Variants in TNNT1 observed in about 807,000 individuals in gnomAD.
TNNT1 encodes troponin T1, slow skeletal type.
A neutral mutation model predicts 50.6 loss-of-function variants in TNNT1; 53 were observed. The ratio of observed to expected loss-of-function variants is 1.05; its 90% confidence interval spans 0.84 to 1.32. TNNT1 has a LOEUF of 1.32. Ranked by LOEUF, TNNT1 falls within the 40% of genes most tolerant of loss-of-function variation. The probability of loss-of-function intolerance (pLI) is 0.00; values close to 1 mark genes in which losing one functional copy is unlikely to be tolerated. For missense variants in TNNT1, 348 were observed against 381.7 expected (o/e 0.91, Z 0.74); for synonymous variants, 142 against 138.0 (o/e 1.03, Z -0.20).
chr19:55,147,212 G>A (rs1489114442), intron 1 of TNNT1, 44 bp from the exon 2 acceptor site: 2 of 1,598,032 alleles, frequency 1.3e-6, no homozygotes, highest in Non-Finnish European at 1.7e-6. Context: ...GGGCCCCAAG[G>A]AGGGGGCGAC....
chr19:55,136,167 G>A (rs894370761), intron 11 of TNNT1, among the ~76,000 whole-genome samples: 2 of 152,080 alleles, frequency 1.3e-5, no homozygotes, highest in Non-Finnish European at 2.9e-5. Flanking sequence ...TAACCTCTCT[G>A]TGCCTCAGGT....
At chr19:55,136,784 C>T (rs1448871122) in intron 11 of TNNT1, among the ~76,000 whole-genome samples, 8 of 152,172 alleles carry the variant, frequency 5.3e-5, no homozygotes, top group Admixed American at 5.2e-4. Flanking sequence ...AGGTAAAAGG[C>T]ACAGCCCATC....
intron 9 of TNNT1, 149 bp downstream of exon 9, chr19:55,140,734 G>T (rs1478971235): frequency 2.4e-6 from 1 of 410,166 alleles, no homozygotes; most frequent in Non-Finnish European, 3.9e-6. Flanking sequence ...CTGAGATCGT[G>T]CCACTGCACT....
At chr19:55,148,507 C>T (rs2147274216) in intron 1 of TNNT1, among the ~76,000 whole-genome samples, 1 of 152,068 alleles carries the variant, frequency 6.6e-6, no homozygotes, top group African/African-American at 2.4e-5. Flanking sequence ...GCCCGTGTTT[C>T]TGAGGCCAGC....
chr19:55,142,475 A>T (rs988626914), intron 6 of TNNT1, among the ~76,000 whole-genome samples: 1 of 152,048 alleles, frequency 6.6e-6, no homozygotes, highest in Non-Finnish European at 1.5e-5. Flanking sequence ...TATATAACAG[A>T]TTAAAAAAAC....
chr19:55,146,517 G>T, intron 4 of TNNT1, 51 bp from the exon 5 acceptor site: 4 of 1,182,260 alleles, frequency 3.4e-6, no homozygotes, highest in Non-Finnish European at 4.4e-6. Context: ...AGGGGGGAGC[G>T]GCCACGCCCG....
At position 55,146,909 on chromosome 19, in the gene TNNT1, G is replaced by C. The variant is rs535872700; in HGVS notation, c.46+99C>G. The C allele has an allele frequency of 6.0e-4, 870 of 1,445,148 alleles. 5 individuals are homozygous for C. In the African/African-American group the frequency reaches 0.012, roughly 19 times the overall value. The allele number at this position is 1,445,148 out of a possible 1,614,324, so 89.5% of individuals were successfully genotyped here. A position where few individuals can be genotyped will look rare whatever the true frequency, so the allele number is the denominator to read the frequency against. ...GGGCGGGCGAGGGCCCGAGGGCTGAGCCGCCCCTTCCCCGCCAAAGTGCCA... is the reference window on the plus strand; with the variant it reads ...GGGCGGGCGAGGGCCCGAGGGCTGACCCGCCCCTTCCCCGCCAAAGTGCCA... On this transcript the variant is annotated intron_variant, in intron 3 of 13. Coordinates refer to ENST00000588981, the MANE Select transcript of TNNT1 (RefSeq NM_003283.6).
intron 1 of TNNT1, among the ~76,000 whole-genome samples, chr19:55,148,369 C>G (rs1199785683): frequency 1.3e-5 from 2 of 151,982 alleles, no homozygotes; most frequent in Non-Finnish European, 2.9e-5. Flanking sequence ...ATAAAGGGCA[C>G]CTTCTGTCCG....
At chr19:55,145,481 T>C (rs2085531876) in intron 6 of TNNT1, 63 bp downstream of exon 6, 3 of 1,539,978 alleles carry the variant, frequency 1.9e-6, no homozygotes, top group Non-Finnish European at 2.7e-6. Flanking sequence ...ACCTTGTCTC[T>C]GGGGGTAGAG....
intron 13 of TNNT1, 61 bp from the exon 14 acceptor site, chr19:55,133,021 C>T (rs1039815612): frequency 6.9e-7 from 1 of 1,453,718 alleles, no homozygotes; most frequent in African/African-American, 1.4e-5. Context: ...AAATGGGCCC[C>T]AGGCCCTCAA....
chr19:55,147,423 ACTCCTGGGTCTGAGGGAGGAGGAG>A, intron 1 of TNNT1: 1 of 315,280 alleles, frequency 3.2e-6, no homozygotes, highest in Non-Finnish European at 5.2e-6. Flanking sequence ...TGGGGTCTGG[ACTCCTGGGTCTGAGGGAGGAGGAG>A]CTGGGGCCTG....
chr19:55,147,017 G>T lies in TNNT1; in HGVS notation c.37C>A (p.Gln13Lys). 6.2e-7 allele frequency: 1 copy of T among 1,611,230 alleles called. No homozygotes were observed. The change falls in exon 3 of 14, where the codon CAG (glutamine) becomes AAG (lysine). Residue 13 changes from glutamine (Q) to lysine (K), a missense_variant. Gln to Lys is a moderately conservative substitution (Grantham distance 53, BLOSUM62 1). This residue lies in a region of TNNT1 where 90 missense variants were observed against 70.8 expected (regional missense o/e 1.27). Coordinates refer to ENST00000588981, the MANE Select transcript of TNNT1 (RefSeq NM_003283.6). ...CCCACTCCCTACTCACCTTCCGGCTGCTCCCTGCGGACGGGTGTGGGGAGA... is the reference window on the plus strand; with the variant it reads ...CCCACTCCCTACTCACCTTCCGGCTTCTCCCTGCGGACGGGTGTGGGGAGA... ...DTEEQEYEEE[Q>K]PEEEAAEEEE...
At chr19:55,145,698 T>A in intron 5 of TNNT1, 133 bp from the exon 6 acceptor site, 1 of 862,036 alleles carries the variant, frequency 1.2e-6, no homozygotes, top group Non-Finnish European at 1.9e-6. Flanking sequence ...TGGAGTCCAG[T>A]TCTGGAGGAG....
chr19:55,142,342 C>T (rs1403066028), intron 6 of TNNT1, among the ~76,000 whole-genome samples: 1 of 151,552 alleles, frequency 6.6e-6, no homozygotes, highest in Non-Finnish European at 1.5e-5. Flanking sequence ...AGGATGGTCT[C>T]GATCTCCTGA....
Position 55,137,217 on chromosome 19 carries a change from G to T in TNNT1, c.502-5C>A, listed in dbSNP as rs777348593. 1.2e-6 allele frequency: 2 copies of T among 1,607,436 alleles called. No homozygotes were observed. The highest frequency in any genetic ancestry group is 4.5e-5 in the East Asian group (2 of 44,862). ...CTTACCACGCTTCTGTTCTGCCTGA[G>T]GGTGGGGGAGGCGGAACAGTAAACT... On this transcript the variant is annotated splice_polypyrimidine_tract_variant and splice_region_variant and intron_variant, in intron 10 of 13. Transcript: ENST00000588981.
chr19:55,146,812 G>A, intron 3 of TNNT1, 105 bp from the exon 4 acceptor site: 1 of 1,155,816 alleles, frequency 8.7e-7, no homozygotes, highest in African/African-American at 1.6e-5. Flanking sequence ...GGTCCCTCTG[G>A]CCTCGGCTGC....
At position 55,146,433 on chromosome 19, in the gene TNNT1, C is replaced by T; in HGVS notation, c.106+1G>A. The T allele has an allele frequency of 7.3e-7, 1 of 1,367,470 alleles. No homozygotes were observed. Among genetic ancestry groups the T allele is most frequent in the Non-Finnish European group, 9.5e-7 (1 of 1,051,710 alleles). 84.7% of individuals were successfully genotyped at this position (1,367,470 alleles called of 1,614,324 possible). A position where few individuals can be genotyped will look rare whatever the true frequency, so the allele number is the denominator to read the frequency against. On this transcript the variant is annotated splice_donor_variant, in intron 5 of 13. Transcript: ENST00000588981. LOFTEE classifies it high-confidence loss of function. Reference sequence around the variant, plus strand: ...TCGGGAAGCGAAGCAGCCGCGGTTACCTGGCTCTGCCACCGGCTCCGGCTC... The same window carrying T: ...TCGGGAAGCGAAGCAGCCGCGGTTATCTGGCTCTGCCACCGGCTCCGGCTC...
Position 55,149,059 on chromosome 19 carries a change from C to G in TNNT1, c.-12+102G>C, listed in dbSNP as rs147570848. The G allele has an allele frequency of 9.7e-3, 4,317 of 445,228 alleles. 42 individuals are homozygous for G. The highest frequency in any genetic ancestry group is 0.023 in the Middle Eastern group (69 of 3,030). The allele number at this position is 445,228 out of a possible 1,614,324, so 27.6% of individuals were successfully genotyped here. ...CTCCAGTTGTATGCCCCACCTACCTCTGCACCATTTCTCCACACCCGACAT... is the reference window on the plus strand; with the variant it reads ...CTCCAGTTGTATGCCCCACCTACCTGTGCACCATTTCTCCACACCCGACAT... On this transcript the variant is annotated intron_variant, in intron 1 of 13. Coordinates refer to ENST00000588981, the MANE Select transcript of TNNT1 (RefSeq NM_003283.6).
rs142172700 is a variant in TNNT1, at chr19:55,148,387, C to T, written c.-12+774G>A. Among the ~76,000 whole-genome samples the T allele has an allele frequency of 9.9e-3, 1,499 of 152,130 alleles. 32 individuals carry two copies. The highest frequency in any genetic ancestry group is 0.033 in the African/African-American group (1,372 of 41,476). On this transcript the variant is annotated intron_variant, in intron 1 of 13. Transcript: ENST00000588981. The stretch of plus-strand genomic sequence containing the variant: ...AAGGGCACCTTCTGTCCGTAGACCT[C>T]ACCCTGACCCCTACATTCTTAGACC...
Sources: allele counts gnomAD v4.1 joint callset (sites outside exome capture counted in the v4.1 genomes callset), GRCh38; gene constraint gnomAD v4.1.1; regional missense constraint gnomAD v4.1.1; transcripts MANE v1.5; gene names NCBI Gene and HGNC (gene_info 2026-07-23, HGNC 2026-07-21).